Variants in ADK observed in about 807,000 individuals in gnomAD.
ADK encodes the protein N6,N6-dimethyladenosine kinase.
A neutral mutation model predicts 44.7 loss-of-function variants in ADK; 24 were observed. The observed-to-expected ratio is 0.54, with a 90% CI of 0.39 to 0.76. The LOEUF (loss-of-function observed/expected upper bound fraction) is 0.76. ADK is among the 30% of genes least tolerant of loss of function. The pLI, the probability that ADK is intolerant of heterozygous loss-of-function variation, is 0.00. For synonymous variants in ADK, 128 were observed against 142.6 expected, an observed-to-expected ratio of 0.90 and a Z score of 0.73; for missense variants, 321 against 425.1, an observed-to-expected ratio of 0.76 and a Z score of 2.15.
chr10:74,389,245 T>C (rs935390466), intron 4 of ADK, among the ~76,000 whole-genome samples: 6 of 152,126 alleles, frequency 3.9e-5, no homozygotes, highest in Non-Finnish European at 8.8e-5. Flanking sequence ...TAATCAAAGG[T>C]TATAAACAAG....
chr10:74,494,285 T>G (rs1421687054), intron 6 of ADK, among the ~76,000 whole-genome samples: 2 of 152,262 alleles, frequency 1.3e-5, no homozygotes, highest in Admixed American at 1.3e-4. Context: ...CTTACCAACT[T>G]CCTACTATGA....
intron 4 of ADK, among the ~76,000 whole-genome samples, chr10:74,335,285 A>G (rs1256576651): frequency 1.3e-5 from 2 of 152,040 alleles, no homozygotes; most frequent in Non-Finnish European, 2.9e-5. Flanking sequence ...GCTTGTTGCC[A>G]TTGGCTGTGC....
chr10:74,234,267 C>G (rs1844882307), intron 3 of ADK, among the ~76,000 whole-genome samples: 1 of 152,120 alleles, frequency 6.6e-6, no homozygotes, highest in Non-Finnish European at 1.5e-5. Flanking sequence ...TGTTAAAGAA[C>G]AAGGAAGAAG....
chr10:74,514,682 C>T (rs1275102087), intron 6 of ADK, among the ~76,000 whole-genome samples: 1 of 151,978 alleles, frequency 6.6e-6, no homozygotes, highest in Non-Finnish European at 1.5e-5. Flanking sequence ...AGTTATCTAT[C>T]GGTATTCTCT....
chr10:74,562,465 C>T (rs1022505609), intron 7 of ADK, among the ~76,000 whole-genome samples: 8 of 152,154 alleles, frequency 5.3e-5, no homozygotes, highest in African/African-American at 1.9e-4. Flanking sequence ...TGGGTGCAAA[C>T]ACTTTCACTG....
chr10:74,176,628 C>T (rs1842347830), intron 1 of ADK: 5 of 1,399,262 alleles, frequency 3.6e-6, no homozygotes, highest in Non-Finnish European at 4.6e-6. Context: ...GCACGAGACA[C>T]GCGGTGGCCC....
At chr10:74,667,112 T>G (rs1429488589) in intron 9 of ADK, among the ~76,000 whole-genome samples, 1 of 152,166 alleles carries the variant, frequency 6.6e-6, no homozygotes, top group African/African-American at 2.4e-5. Context: ...ATTACAGGCA[T>G]GAGCCACTGT....
intron 6 of ADK, among the ~76,000 whole-genome samples, chr10:74,430,809 A>G (rs1180610105): frequency 6.6e-6 from 1 of 151,986 alleles, no homozygotes; most frequent in Admixed American, 6.6e-5. Flanking sequence ...TTTCAAGCAG[A>G]GGGAACAAGC....
intron 6 of ADK, among the ~76,000 whole-genome samples, chr10:74,446,297 T>C (rs1455220803): frequency 6.6e-6 from 1 of 152,148 alleles, no homozygotes. Flanking sequence ...TCCACCTTAA[T>C]ACACTGATGT....
At chr10:74,395,221 CCTTT>C (rs551671375) in intron 5 of ADK, among the ~76,000 whole-genome samples, 4 of 152,032 alleles carry the variant, frequency 2.6e-5, no homozygotes, top group Non-Finnish European at 5.9e-5. Context: ...ATCTTCTCTT[CCTTT>C]CTTTTTTTCC....
At chr10:74,575,615 A>G (rs1283968426) in intron 7 of ADK, among the ~76,000 whole-genome samples, 1 of 152,198 alleles carries the variant, frequency 6.6e-6, no homozygotes, top group South Asian at 2.1e-4. Context: ...CAAGTATTCT[A>G]GTTTGAGTGG....
chr10:74,177,081 T>C (rs892211275), intron 1 of ADK, among the ~76,000 whole-genome samples: 10 of 152,164 alleles, frequency 6.6e-5, no homozygotes, highest in Admixed American at 5.9e-4. Context: ...TGTGGCACAT[T>C]GCGGAGTTCT....
At chr10:74,479,001 T>A (rs950277206) in intron 6 of ADK, among the ~76,000 whole-genome samples, 17 of 152,142 alleles carry the variant, frequency 1.1e-4, no homozygotes, top group Non-Finnish European at 1.6e-4. Flanking sequence ...TATCTTTTTT[T>A]AAAAAATATT....
chr10:74,451,567 CA>C (rs1391827143), intron 6 of ADK, among the ~76,000 whole-genome samples: 1 of 152,104 alleles, frequency 6.6e-6, no homozygotes, highest in Non-Finnish European at 1.5e-5. Context: ...AAGTGACATC[CA>C]CATTTGTGGT....
intron 9 of ADK, among the ~76,000 whole-genome samples, chr10:74,659,002 G>T (rs962411924): frequency 6.6e-6 from 1 of 151,998 alleles, no homozygotes; most frequent in African/African-American, 2.4e-5. Flanking sequence ...GATCACTTGA[G>T]CCTAGAAGTT....
chr10:74,164,908 T>G (rs1841997378), intron 1 of ADK, among the ~76,000 whole-genome samples: 1 of 152,238 alleles, frequency 6.6e-6, no homozygotes, highest in Non-Finnish European at 1.5e-5. Context: ...GATCTTTAAG[T>G]GTTTTCTTTG....
At chr10:74,201,919 A>G (rs1336108669) in intron 2 of ADK, among the ~76,000 whole-genome samples, 1 of 152,112 alleles carries the variant, frequency 6.6e-6, no homozygotes, top group Admixed American at 6.6e-5. Flanking sequence ...CTTTTTAAAA[A>G]ATTGAGGCAA....
At chr10:74,542,387 G>A (rs2133733040) in intron 7 of ADK, among the ~76,000 whole-genome samples, 1 of 152,270 alleles carries the variant, frequency 6.6e-6, no homozygotes, top group South Asian at 2.1e-4. Context: ...TAACTAATAT[G>A]CTGTGAAAAA....
intron 4 of ADK, among the ~76,000 whole-genome samples, chr10:74,377,440 A>G (rs920413609): frequency 6.6e-6 from 1 of 152,208 alleles, no homozygotes; most frequent in Admixed American, 6.5e-5. Flanking sequence ...TGTATGTATG[A>G]TAAGCAAACA....
Sources: gnomAD v4.1 joint callset for allele counts (sites outside exome capture counted in the v4.1 genomes callset) on GRCh38, gnomAD v4.1.1 for gene constraint, MANE v1.5 for transcripts, NCBI Gene and HGNC (gene_info 2026-07-23, HGNC 2026-07-21) for gene names.